PRDM1: variants seen among roughly 807,000 people sequenced by gnomAD.
The protein encoded by PRDM1 is PR/SET domain 1.
PRDM1 carries 13 observed loss-of-function variants against 62.8 expected under a neutral mutation model. The observed-to-expected ratio is 0.21, with a 90% CI of 0.13 to 0.33. The LOEUF (loss-of-function observed/expected upper bound fraction) is 0.33, where lower values mean the gene tolerates loss of function less well. Among genes scored for constraint, PRDM1 ranks in the 10% least tolerant of loss-of-function variants. The probability of loss-of-function intolerance (pLI) is 1.00; values close to 1 mark genes in which losing one functional copy is unlikely to be tolerated. For missense variants in PRDM1, 895 were observed against 1,058.8 expected (o/e 0.85, Z 2.15); for synonymous variants, 396 against 417.6 (o/e 0.95, Z 0.63).
At chr6:106,077,925 C>T (rs370798087) in intron 1 of PRDM1, among the ~76,000 whole-genome samples, 35 of 152,198 alleles carry the variant, frequency 2.3e-4, no homozygotes, top group East Asian at 1.5e-3. Context: ...TTTGGGAGAA[C>T]ATTGAGTTAA....
intron 1 of PRDM1, among the ~76,000 whole-genome samples, chr6:106,080,540 G>A (rs1283574262): frequency 6.6e-6 from 1 of 152,176 alleles, no homozygotes; most frequent in Non-Finnish European, 1.5e-5. Context: ...AGTAGGTCAG[G>A]TACTTTGGAG....
At chr6:106,087,348 G>A (rs552521039) in intron 1 of PRDM1, among the ~76,000 whole-genome samples, 2 of 152,308 alleles carry the variant, frequency 1.3e-5, no homozygotes, top group East Asian at 3.9e-4. Flanking sequence ...TACACTTTCA[G>A]ATTTAAATGG....
intron 2 of PRDM1, among the ~76,000 whole-genome samples, chr6:106,089,921 A>G (rs895990038): frequency 2.0e-5 from 3 of 152,196 alleles, no homozygotes; most frequent in Middle Eastern, 3.4e-3. Flanking sequence ...TGAAGTAAAA[A>G]TCTCCATTCT....
At chr6:106,077,893 C>G (rs1472509745) in intron 1 of PRDM1, among the ~76,000 whole-genome samples, 2 of 152,042 alleles carry the variant, frequency 1.3e-5, no homozygotes, top group Non-Finnish European at 2.9e-5. Context: ...AATGGGTGTC[C>G]CTTGTCTGAG....
chr6:106,068,992 G>T (rs1262329868), intron 1 of PRDM1, among the ~76,000 whole-genome samples: 1 of 152,168 alleles, frequency 6.6e-6, no homozygotes, highest in Non-Finnish European at 1.5e-5. Flanking sequence ...GGTCTATCTA[G>T]TGGTGTGGGG....
chr6:106,062,023 G>T (rs1356657384), intron 1 of PRDM1, among the ~76,000 whole-genome samples: 1 of 152,160 alleles, frequency 6.6e-6, no homozygotes, highest in East Asian at 1.9e-4. Context: ...GCAAGGGTGG[G>T]GGAAAAACAG....
At chr6:106,101,992 T>G (rs1423416475) in intron 4 of PRDM1, among the ~76,000 whole-genome samples, 1 of 152,228 alleles carries the variant, frequency 6.6e-6, no homozygotes, top group Non-Finnish European at 1.5e-5. Flanking sequence ...TTTCTATCTA[T>G]CTAACTAACC....
At chr6:106,053,233 T>C (rs1773207511) in intron 1 of PRDM1, among the ~76,000 whole-genome samples, 1 of 152,176 alleles carries the variant, frequency 6.6e-6, no homozygotes, top group Non-Finnish European at 1.5e-5. Flanking sequence ...TTCTCTACTA[T>C]CTCCCTGTCC....
chr6:106,088,386 G>A lies in PRDM1; in HGVS notation c.228G>A (p.Ser76=), dbSNP rs781477732. ...ATTCTGGTGCTGATGGCGGTACTTC[G>A]GTTCAGGCGGAGGCATCCTTACCAA... The part of the protein sequence containing the change: ...PWDSGADGGT[S]VQAEASLPRN... The change falls in exon 2 of 7, where the codon TCG becomes TCA. Residue 76 remains serine (S), a synonymous_variant. Coordinates refer to ENST00000369096, the MANE Select transcript of PRDM1 (RefSeq NM_001198.4). 4 of 1,614,136 alleles carry A rather than the reference G, an allele frequency of 2.5e-6. No homozygotes were observed. Among genetic ancestry groups the A allele is most frequent in the South Asian group, 1.1e-5 (1 of 91,074 alleles).
chr6:106,026,548 C>G (rs1210746952), intron 1 of PRDM1, among the ~76,000 whole-genome samples: 1 of 152,020 alleles, frequency 6.6e-6, no homozygotes, highest in Admixed American at 6.6e-5. Flanking sequence ...ATGTTTTCGT[C>G]TGGTGTAGTG....
At chr6:106,040,397 C>A (rs1191620022) in intron 1 of PRDM1, among the ~76,000 whole-genome samples, 1 of 152,170 alleles carries the variant, frequency 6.6e-6, no homozygotes. Context: ...TACGAGCACA[C>A]CACCTCCGTC....
chr6:106,026,619 A>T (rs1442345577), intron 1 of PRDM1, among the ~76,000 whole-genome samples: 1 of 152,242 alleles, frequency 6.6e-6, no homozygotes. Flanking sequence ...GGGTGAACTA[A>T]GCAGCCTCTG....
upstream of PRDM1, among the ~76,000 whole-genome samples, chr6:106,084,274 T>G (rs1773748714): frequency 1.3e-5 from 2 of 152,210 alleles, no homozygotes; most frequent in Admixed American, 6.5e-5. Flanking sequence ...CCAGCTCAGC[T>G]GGGACACCTG....
chr6:106,044,380 G>C (rs921477004), upstream of PRDM1, among the ~76,000 whole-genome samples: 1 of 152,036 alleles, frequency 6.6e-6, no homozygotes, highest in Non-Finnish European at 1.5e-5. Context: ...GAGTCAGTTG[G>C]TTTATTTTGT....
At chr6:106,081,313 G>T (rs1401658345) in intron 1 of PRDM1, among the ~76,000 whole-genome samples, 1 of 152,132 alleles carries the variant, frequency 6.6e-6, no homozygotes, top group Admixed American at 6.5e-5. Context: ...TGTACCTTAG[G>T]TCCAGTAAGT....
chr6:106,031,107 C>T (rs1772838709), intron 1 of PRDM1, among the ~76,000 whole-genome samples: 1 of 151,472 alleles, frequency 6.6e-6, no homozygotes, highest in Admixed American at 6.6e-5. Context: ...CAAGTGGTGC[C>T]AAGAGTTTGG....
intron 1 of PRDM1, among the ~76,000 whole-genome samples, chr6:106,014,262 G>A (rs1465860811): frequency 6.6e-6 from 1 of 151,508 alleles, no homozygotes; most frequent in Non-Finnish European, 1.5e-5. Context: ...GTCTCCCTGT[G>A]TTGCCCAGGC....
At chr6:106,101,439 A>G (rs1488008965) in intron 4 of PRDM1, among the ~76,000 whole-genome samples, 3 of 152,228 alleles carry the variant, frequency 2.0e-5, no homozygotes, top group Admixed American at 6.5e-5. Context: ...ACTGTCATAT[A>G]TACTGTGAAA....
At chr6:106,021,918 C>T (rs528301738) in intron 1 of PRDM1, among the ~76,000 whole-genome samples, 4 of 152,282 alleles carry the variant, frequency 2.6e-5, no homozygotes, top group South Asian at 4.1e-4. Flanking sequence ...CCGTGCCCAG[C>T]GTGAAATGTT....
Sources: gnomAD v4.1 joint callset for allele counts (sites outside exome capture counted in the v4.1 genomes callset) on GRCh38, gnomAD v4.1.1 for gene constraint, MANE v1.5 for transcripts, NCBI Gene and HGNC (gene_info 2026-07-23, HGNC 2026-07-21) for gene names.